The following LONRF3 variants were observed in gnomAD, a reference collection of about 807,000 sequenced individuals.
The protein encoded by LONRF3 is LON peptidase N-terminal domain and RING finger protein 3.
A neutral mutation model predicts 51.7 loss-of-function variants in LONRF3; 19 were observed. The observed-to-expected ratio is 0.37, with a 90% CI of 0.26 to 0.54. LONRF3 has a LOEUF of 0.54. Among genes scored for constraint, LONRF3 ranks in the 20% least tolerant of loss-of-function variants. The probability of loss-of-function intolerance (pLI) is 0.86; values close to 1 mark genes in which losing one functional copy is unlikely to be tolerated. For synonymous variants in LONRF3, 265 were observed against 257.8 expected (o/e 1.03, Z -0.27); for missense variants, 521 against 623.9 (o/e 0.84, Z 1.76).
At chrX:119,015,087 G>A (rs1014390861) in intron 10 of LONRF3, among the ~76,000 whole-genome samples, 20 of 111,702 alleles carry the variant, frequency 1.8e-4, no homozygotes, top group Non-Finnish European at 3.4e-4. Flanking sequence ...GTTTCACTAA[G>A]CTTTGCTTGC....
chrX:118,989,222 G>A (rs1569476638), intron 3 of LONRF3, among the ~76,000 whole-genome samples, 186 bp from the exon 4 acceptor site: 1 of 111,807 alleles, frequency 8.9e-6, no homozygotes, highest in Non-Finnish European at 1.9e-5. Flanking sequence ...CTTGGTTGCA[G>A]ATACTGTGCA....
chrX:118,988,290 G>A (rs751155829), intron 3 of LONRF3, among the ~76,000 whole-genome samples: 6 of 111,960 alleles, frequency 5.4e-5, no homozygotes, highest in African/African-American at 1.9e-4. Flanking sequence ...CAAATGCCTG[G>A]AGTGACTTCT....
intron 5 of LONRF3, among the ~76,000 whole-genome samples, chrX:118,997,581 C>T (rs747453241): frequency 3.5e-4 from 39 of 112,140 alleles, no homozygotes; most frequent in African/African-American, 1.0e-3. Flanking sequence ...GACCGAGAAC[C>T]GAAAAGCAAA....
At chrX:119,014,173 A>T in intron 9 of LONRF3, 34 bp from the exon 10 acceptor site, 2 of 1,187,707 alleles carry the variant, frequency 1.7e-6, no homozygotes, top group Non-Finnish European at 2.3e-6. Flanking sequence ...TGGAGAGGGT[A>T]CAGAATGTTT....
chrX:119,003,573 G>A (rs995233054), intron 5 of LONRF3, among the ~76,000 whole-genome samples: 1 of 112,168 alleles, frequency 8.9e-6, no homozygotes, highest in Non-Finnish European at 1.9e-5. Context: ...TGGGCTTTCT[G>A]TTCTGTTCCC....
Position 118,974,639 on chromosome X carries a change from G to C in LONRF3, c.-142G>C. 5 of 492,365 alleles carry C rather than the reference G, an allele frequency of 1.0e-5. No homozygotes were observed. In the South Asian group the frequency reaches 1.7e-4, roughly 16 times the overall value. 40.6% of individuals were successfully genotyped at this position (492,365 alleles called of 1,213,427 possible). On this transcript the variant is annotated 5_prime_UTR_variant, in exon 1 of 11. Transcript: ENST00000371628. ...AGTTATTAGGCGGCGCGGGGCGGCC[G>C]GCATGGAGCTCCCGGAGGCGCGGCA... is the stretch of plus-strand genomic sequence containing the variant.
chrX:119,010,638 T>C (rs1336048696), intron 7 of LONRF3, among the ~76,000 whole-genome samples: 1 of 111,918 alleles, frequency 8.9e-6, no homozygotes, highest in Non-Finnish European at 1.9e-5. Flanking sequence ...GGGCTTTCTA[T>C]GTAAATGAAT....
intron 1 of LONRF3, among the ~76,000 whole-genome samples, chrX:118,977,440 C>T (rs956779028): frequency 3.6e-5 from 4 of 112,247 alleles, no homozygotes; most frequent in African/African-American, 1.3e-4. Flanking sequence ...TCAAGGCCAG[C>T]TTTACCCTTC....
Position 118,990,486 on chromosome X carries a change from G to A in LONRF3, c.1341G>A (p.Gln447=). 8.3e-7 allele frequency: 1 copy of A among 1,210,333 alleles called. No homozygotes were observed. Reference sequence around the variant, plus strand: ...AAATCGCAGATCCTCCCACTGATCAGGGGGACAAACCTGCTCTCAGTTTAC... The same window carrying A: ...AAATCGCAGATCCTCCCACTGATCAAGGGGACAAACCTGCTCTCAGTTTAC... ...KASKQDPPTD[Q]GDKPALSLPL... The change falls in exon 5 of 11, where the codon CAG becomes CAA. Residue 447 remains glutamine, a synonymous_variant. Transcript: ENST00000371628.
chrX:119,013,874 A>G (rs369759972), intron 9 of LONRF3, among the ~76,000 whole-genome samples: 13 of 112,388 alleles, frequency 1.2e-4, no homozygotes, highest in African/African-American at 4.2e-4. Flanking sequence ...AACAGATGTA[A>G]AAATGAAAAG....
At chrX:118,981,654 G>T (rs911840161) in intron 2 of LONRF3, among the ~76,000 whole-genome samples, 48 of 111,129 alleles carry the variant, frequency 4.3e-4, no homozygotes, top group African/African-American at 1.5e-3. Flanking sequence ...CAACAAGGGA[G>T]GCCATCAACA....
chrX:118,990,387 C>A, intron 4 of LONRF3, 83 bp from the exon 5 acceptor site: 2 of 731,079 alleles, frequency 2.7e-6, no homozygotes, highest in Non-Finnish European at 4.2e-6. Context: ...AACTGAAAAA[C>A]GCATTGGATT....
chrX:119,017,889 G>C lies in LONRF3; in HGVS notation c.*199G>C, dbSNP rs1404580250. 2 of 338,947 alleles carry C rather than the reference G, an allele frequency of 5.9e-6. No homozygotes were observed. Among genetic ancestry groups the C allele is most frequent in the African/African-American group, 2.7e-5 (1 of 37,562 alleles). 27.9% of individuals were successfully genotyped at this position (338,947 alleles called of 1,213,427 possible). A position where few individuals can be genotyped will look rare whatever the true frequency, so the allele number is the denominator to read the frequency against. ...TATTTGAAACTTTCTGTCTTAAGAT[G>C]CTTCTTGACATGCTGCATAACTACA... On this transcript the variant is annotated 3_prime_UTR_variant, in exon 11 of 11. Transcript: ENST00000371628.
chrX:118,992,115 G>T (rs777918568), intron 5 of LONRF3, among the ~76,000 whole-genome samples: 13 of 111,886 alleles, frequency 1.2e-4, no homozygotes, highest in Non-Finnish European at 1.5e-4. Context: ...GCTGTTCGTT[G>T]TGCTGGCGGG....
intron 3 of LONRF3, among the ~76,000 whole-genome samples, chrX:118,984,388 A>G (rs1922800481): frequency 8.9e-6 from 1 of 112,555 alleles, no homozygotes; most frequent in Non-Finnish European, 1.9e-5. Flanking sequence ...GAACAAAGGC[A>G]GTTAGAAGAA....
intron 3 of LONRF3, among the ~76,000 whole-genome samples, chrX:118,984,419 C>T (rs1415073212): frequency 6.2e-5 from 7 of 112,013 alleles, no homozygotes; most frequent in Non-Finnish European, 1.3e-4. Flanking sequence ...GGGGACGGAG[C>T]GTGCAAAGGC....
chrX:118,979,250 G>C (rs1264811905), intron 2 of LONRF3, among the ~76,000 whole-genome samples: 1 of 109,008 alleles, frequency 9.2e-6, no homozygotes, highest in African/African-American at 3.3e-5. Flanking sequence ...TGATCCGCCC[G>C]CCTTGGCCTC....
intron 5 of LONRF3, among the ~76,000 whole-genome samples, chrX:118,993,923 C>T (rs1358553732): frequency 2.7e-5 from 3 of 112,002 alleles, no homozygotes; most frequent in Non-Finnish European, 5.6e-5. Context: ...TCCAGTGAAA[C>T]TAAGCATCAC....
At chrX:118,977,436 C>T (rs1293533500) in intron 1 of LONRF3, among the ~76,000 whole-genome samples, 1 of 112,222 alleles carries the variant, frequency 8.9e-6, no homozygotes, top group Non-Finnish European at 1.9e-5. Flanking sequence ...AATGTCAAGG[C>T]CAGCTTTACC....
Sources: gnomAD v4.1 joint callset for allele counts (sites outside exome capture counted in the v4.1 genomes callset) on GRCh38, gnomAD v4.1.1 for gene constraint, MANE v1.5 for transcripts, NCBI Gene and HGNC (gene_info 2026-07-23, HGNC 2026-07-21) for gene names.